Variants in PMS2 observed in about 807,000 individuals in gnomAD.
PMS2 encodes the protein mismatch repair endonuclease PMS2.
In PMS2, 69 loss-of-function variants were observed where a neutral mutation model predicts 90.0. The ratio of observed to expected loss-of-function variants is 0.77; its 90% CI spans 0.63 to 0.94. The LOEUF (loss-of-function observed/expected upper bound fraction) is 0.94. Among genes scored for constraint, PMS2 ranks in the 40% least tolerant of loss-of-function variants. The pLI is 0.00. For synonymous variants in PMS2, 332 were observed against 375.1 expected, an observed-to-expected ratio of 0.89 and a Z score of 1.33; for missense variants, 966 against 1,040.2, an observed-to-expected ratio of 0.93 and a Z score of 0.98.
intron 6 of PMS2, among the ~76,000 whole-genome samples, chr7:5,997,787 C>G (rs1055291180): frequency 6.6e-6 from 1 of 152,046 alleles, no homozygotes; most frequent in Non-Finnish European, 1.5e-5. Flanking sequence ...TGGGCTCAAG[C>G]GATTCTCCCA....
intron 9 of PMS2, among the ~76,000 whole-genome samples, 162 bp from the exon 10 acceptor site, chr7:5,990,117 C>T (rs28699470): frequency 0.35 from 52,962 of 152,076 alleles, 9,976 homozygotes; most frequent in Non-Finnish European, 0.42. Flanking sequence ...AAGTGATTCT[C>T]CCTGCCTCAG....
At chr7:6,005,059 C>G (rs561477814) in intron 2 of PMS2, among the ~76,000 whole-genome samples, 2 of 152,086 alleles carry the variant, frequency 1.3e-5, no homozygotes, top group Non-Finnish European at 1.5e-5. Flanking sequence ...CATGCACCAC[C>G]ACATCTGGCT....
intron 2 of PMS2, among the ~76,000 whole-genome samples, chr7:6,004,847 G>A (rs1024681124): frequency 6.6e-6 from 1 of 151,952 alleles, no homozygotes; most frequent in South Asian, 2.1e-4. Context: ...AGAATAATAA[G>A]TTCTATCTCA....
chr7:5,996,520 C>A (rs1198320250), intron 7 of PMS2, among the ~76,000 whole-genome samples: 1 of 146,446 alleles, frequency 6.8e-6, no homozygotes, highest in African/African-American at 2.5e-5. Context: ...TGCAGTGAGC[C>A]AAGATCACGG....
In PMS2 at chr7:6,004,042, G is replaced by C. The variant is rs200313585; in HGVS notation, c.180C>G (p.Asp60Glu). The C allele has an allele frequency of 7.3e-4, 1,159 of 1,586,516 alleles. 2 individuals are homozygous for C. Among genetic ancestry groups the C allele is most frequent in the Non-Finnish European group, 6.1e-4 (710 of 1,157,308 alleles). ...AAACTTCAATAAGATCCACTCCATA[G>C]TCCTTAAGCTTTAGATCTAGAAAGT... ...GATNIDLKLK[D>E]YGVDLIEVSD... is the part of the protein sequence containing the mutation. The change falls in exon 3 of 15, where the codon GAC becomes GAG. Residue 60 changes from aspartate to glutamate, a missense_variant. By Grantham distance (45) the Asp-to-Glu change is conservative (BLOSUM62 2). This residue lies in a region of PMS2 where 871 missense variants were observed against 802.4 expected (regional missense o/e 1.09). Transcript: ENST00000265849.
chr7:5,996,905 A>G (rs1400981721), intron 7 of PMS2, among the ~76,000 whole-genome samples: 1 of 152,080 alleles, frequency 6.6e-6, no homozygotes, highest in African/African-American at 2.4e-5. Context: ...TCACAGTTTT[A>G]TAAAGGACAT....
Position 5,972,824 on chromosome 7 carries a change from G to GTTTTT in PMS2, c.*570_*574dup, listed in dbSNP as rs374762935. ...CCTGAGTAACTTCCAAAGTGGTTTG[G>GTTTTT]TTTTTTTTTTTTTGTTTTGTTTTGT... is the stretch of plus-strand genomic sequence containing the variant. On this transcript the variant is annotated 3_prime_UTR_variant, in exon 15 of 15. Transcript: ENST00000265849. Among the ~76,000 whole-genome samples the GTTTTT allele has an allele frequency of 1.0e-4, 7 of 68,688 alleles. No homozygotes were observed. The highest frequency in any genetic ancestry group is 1.3e-4 in the Admixed American group (1 of 7,602). 45.1% of individuals were successfully genotyped at this position (68,688 alleles called of 152,430 possible).
intron 5 of PMS2, among the ~76,000 whole-genome samples, chr7:6,001,250 TACAG>T (rs1376064104): frequency 6.6e-6 from 1 of 152,150 alleles, no homozygotes. Flanking sequence ...AATCAAATAA[TACAG>T]ACAGTTCTAT....
At chr7:5,981,460 G>C (rs1248140596) in intron 12 of PMS2, among the ~76,000 whole-genome samples, 2 of 149,658 alleles carry the variant, frequency 1.3e-5, no homozygotes, top group Non-Finnish European at 3.0e-5. Flanking sequence ...TGCCCAGGCT[G>C]GTCTCAAACT....
In PMS2 at chr7:5,987,053, A is replaced by C. The variant is rs1060503128; in HGVS notation, c.1712T>G (p.Leu571Arg). The stretch of plus-strand genomic sequence containing the variant: ...AAAACGCTTTGTGTTTGGGGTTGCG[A>C]GATTAGTTGGCTGAGGCAAAACTCG... ...KFRVLPQPTNLATPNTKRFKK... is the reference protein window; with the variant it reads ...KFRVLPQPTNRATPNTKRFKK... The change falls in exon 11 of 15, where the codon CTC becomes CGC. Residue 571 changes from leucine (L) to arginine (R), a missense_variant. This residue lies in a region of PMS2 where 871 missense variants were observed against 802.4 expected (regional missense o/e 1.09). Transcript: ENST00000265849. 1.2e-6 allele frequency: 2 copies of C among 1,614,138 alleles called. No individual in the cohort carries two copies. The highest frequency in any genetic ancestry group is 8.5e-7 in the Non-Finnish European group (1 of 1,180,046).
intron 2 of PMS2, among the ~76,000 whole-genome samples, chr7:6,004,764 T>A (rs1785523415): frequency 6.6e-6 from 1 of 151,074 alleles, no homozygotes; most frequent in African/African-American, 2.4e-5. Flanking sequence ...ACTTCCTGGA[T>A]CCTATTTTAT....
intron 6 of PMS2, 119 bp from the exon 7 acceptor site, chr7:5,997,542 T>C (rs184586560): frequency 3.0e-6 from 2 of 667,230 alleles, no homozygotes; most frequent in Admixed American, 2.7e-5. Context: ...TAAAAGAATC[T>C]TTTGTTTTGT....
chr7:6,007,775 T>C (rs1400237759), intron 1 of PMS2, among the ~76,000 whole-genome samples: 1 of 151,990 alleles, frequency 6.6e-6, no homozygotes, highest in Admixed American at 6.6e-5. Flanking sequence ...AAACTGCAGA[T>C]GACCTCACAG....
rs750754115 is a variant in PMS2 at position 5,987,028 on chromosome 7, A to G, written c.1737T>C (p.Phe579=). 5 of 1,614,184 alleles carry G rather than the reference A, an allele frequency of 3.1e-6. No homozygotes were observed. The highest frequency in any genetic ancestry group is 2.2e-5 in the East Asian group (1 of 44,890). ...TNLATPNTKR[F]KKEEILSSSD... ...AACTGGAAAGAATTTCTTCTTTTTT[A>G]AAACGCTTTGTGTTTGGGGTTGCGA... Residue 579 remains phenylalanine (F), a synonymous_variant, in exon 11 of 15, where the codon TTT becomes TTC. Coordinates refer to ENST00000265849, the MANE Select transcript of PMS2 (RefSeq NM_000535.7).
intron 1 of PMS2, among the ~76,000 whole-genome samples, chr7:6,008,755 C>A (rs527840800): frequency 7.9e-5 from 12 of 152,316 alleles, no homozygotes; most frequent in African/African-American, 2.9e-4. Context: ...GAACCCAACT[C>A]CTCACAGGGC....
At position 5,998,956 on chromosome 7, in the gene PMS2, C is replaced by T. The variant is rs969546353; in HGVS notation, c.705+152G>A. On this transcript the variant is annotated intron_variant, in intron 6 of 14. Coordinates refer to ENST00000265849, the MANE Select transcript of PMS2 (RefSeq NM_000535.7). ...AGTGAGCCAAGACAACACCACTGCA[C>T]TCCAGCCTGGGCAGCAGTGCGAGAC... is the stretch of plus-strand genomic sequence containing the variant. The T allele has an allele frequency of 5.5e-6, 4 of 728,372 alleles. No individual in the cohort carries two copies. The East Asian group carries it at 1.1e-4, about 20-fold the overall frequency. The allele number at this position is 728,372 out of a possible 1,614,324, so 45.1% of individuals were successfully genotyped here.
At chr7:6,000,962 G>C (rs1396883303) in intron 5 of PMS2, among the ~76,000 whole-genome samples, 1 of 152,168 alleles carries the variant, frequency 6.6e-6, no homozygotes, top group African/African-American at 2.4e-5. Flanking sequence ...CTGCACTCCA[G>C]CCTGGGCGAC....
Position 5,977,775 on chromosome 7 carries a change from T to G in PMS2, c.2276-18A>C, listed in dbSNP as rs751039332. The G allele has an allele frequency of 3.1e-6, 5 of 1,592,600 alleles. No individual in the cohort carries two copies. The highest frequency in any genetic ancestry group is 3.4e-6 in the Non-Finnish European group (4 of 1,162,746). The stretch of plus-strand genomic sequence containing the variant: ...GACTGGAGCTAAAAGAATACAATTT[T>G]GAGAAAAATCCATGACTTGACAAAC... On this transcript the variant is annotated intron_variant, in intron 13 of 14. Coordinates refer to ENST00000265849, the MANE Select transcript of PMS2 (RefSeq NM_000535.7).
intron 5 of PMS2, among the ~76,000 whole-genome samples, chr7:6,001,373 C>CT (rs35742778): frequency 0.79 from 109,799 of 138,742 alleles, 43,522 homozygotes; most frequent in East Asian, 0.9. Flanking sequence ...GAGAAATATT[C>CT]TTTTTTTTTT....
Sources: gnomAD v4.1 joint callset for allele counts (sites outside exome capture counted in the v4.1 genomes callset) on GRCh38, gnomAD v4.1.1 for gene constraint, gnomAD v4.1.1 regional missense constraint, MANE v1.5 for transcripts, NCBI Gene and HGNC (gene_info 2026-07-23, HGNC 2026-07-21) for gene names.